The following ARHGEF10 variants were observed in gnomAD, a reference collection of about 807,000 sequenced individuals.
ARHGEF10 encodes the protein Rho guanine nucleotide exchange factor (GEF) 10.
A neutral mutation model predicts 147.4 loss-of-function variants in ARHGEF10; 140 were observed. The observed-to-expected ratio is 0.95, with a 90% confidence interval of 0.83 to 1.09. The LOEUF (loss-of-function observed/expected upper bound fraction) is 1.09, where lower values mean the gene tolerates loss of function less well. Ranked by LOEUF, ARHGEF10 falls within the 50% of genes least tolerant of loss-of-function variation. ARHGEF10 has a pLI of 0.00. For missense variants in ARHGEF10, 2,222 were observed against 1,752.7 expected (o/e 1.27, Z -4.78); for synonymous variants, 902 against 695.8 (o/e 1.30, Z -4.67).
intron 17 of ARHGEF10, among the ~76,000 whole-genome samples, chr8:1,908,217 C>A (rs1811056225): frequency 6.9e-6 from 1 of 143,910 alleles, no homozygotes; most frequent in Admixed American, 7.0e-5. Flanking sequence ...TTATTTCTAC[C>A]CACACTTTGA....
At chr8:1,853,498 A>G (rs149090833) in intron 2 of ARHGEF10, among the ~76,000 whole-genome samples, 15 of 152,344 alleles carry the variant, frequency 9.8e-5, no homozygotes, top group African/African-American at 1.9e-4. Context: ...TGCAAATTGT[A>G]GTTTTTCTCA....
chr8:1,907,902 G>T (rs1184290070), intron 17 of ARHGEF10, among the ~76,000 whole-genome samples: 1 of 152,180 alleles, frequency 6.6e-6, no homozygotes, highest in Admixed American at 6.5e-5. Flanking sequence ...TGAACATTAA[G>T]ATTCTAAACC....
At chr8:1,933,637 G>A (rs1006613864) in intron 25 of ARHGEF10, among the ~76,000 whole-genome samples, 163 bp from the exon 26 acceptor site, 1 of 152,168 alleles carries the variant, frequency 6.6e-6, no homozygotes, top group African/African-American at 2.4e-5. Flanking sequence ...ACTGGGGTGG[G>A]TGTCAGCTTG....
intron 1 of ARHGEF10, among the ~76,000 whole-genome samples, chr8:1,842,385 G>A (rs1231284558): frequency 2.0e-5 from 3 of 152,196 alleles, no homozygotes; most frequent in East Asian, 1.9e-4. Context: ...CGTCCTGGGT[G>A]TGTGTCAGGC....
At chr8:1,845,062 A>T (rs11781055) in intron 2 of ARHGEF10, among the ~76,000 whole-genome samples, 70,228 of 152,060 alleles carry the variant, frequency 0.46, 17,847 homozygotes, top group South Asian at 0.6. Flanking sequence ...TCACTTGAGC[A>T]CGGGAAGTTG....
At chr8:1,877,695 G>C (rs749178762) in intron 8 of ARHGEF10, among the ~76,000 whole-genome samples, 2 of 151,954 alleles carry the variant, frequency 1.3e-5, no homozygotes, top group Non-Finnish European at 2.9e-5. Flanking sequence ...CCCAGGTCTC[G>C]GTGGTGCCAG....
At chr8:1,897,725 A>T (rs769156247) in intron 14 of ARHGEF10, among the ~76,000 whole-genome samples, 3 of 152,108 alleles carry the variant, frequency 2.0e-5, no homozygotes, top group Non-Finnish European at 4.4e-5. Context: ...CTCACTTAAG[A>T]GCTCACTCCC....
Position 1,860,149 on chromosome 8 carries a change from C to T in ARHGEF10, c.446C>T (p.Pro149Leu), listed in dbSNP as rs766944309. The T allele has an allele frequency of 9.3e-6, 15 of 1,613,692 alleles. No homozygotes were observed. The highest frequency in any genetic ancestry group is 1.7e-4 in the Middle Eastern group (1 of 5,974). Residue 149 changes from proline to leucine, a missense_variant, in exon 4 of 29, where the codon CCG (proline) becomes CTG (leucine). Transcript: ENST00000349830. ...LPLLLPAYSS[P>L]VIICATSLDE... ...CTCCTGCTGCCCGCCTACTCCAGCC[C>T]GGTCATCATCTGCGCCACGTCCCTG...
intron 15 of ARHGEF10, among the ~76,000 whole-genome samples, chr8:1,900,449 G>A (rs941584877): frequency 2.6e-5 from 4 of 152,120 alleles, no homozygotes; most frequent in Admixed American, 1.3e-4. Context: ...GACACAGCCC[G>A]ACAGATGTGC....
intron 1 of ARHGEF10, among the ~76,000 whole-genome samples, chr8:1,830,654 G>A (rs1381323530): frequency 6.6e-6 from 1 of 152,254 alleles, no homozygotes; most frequent in African/African-American, 2.4e-5. Context: ...GAACCGCAGA[G>A]ACCATGTGCT....
intron 11 of ARHGEF10, among the ~76,000 whole-genome samples, chr8:1,893,033 A>C (rs1809674259): frequency 7.2e-6 from 1 of 138,182 alleles, no homozygotes; most frequent in Non-Finnish European, 1.5e-5. Flanking sequence ...GACATGAATA[A>C]TTTACTGTCC....
chr8:1,857,917 T>G (rs369568036), intron 2 of ARHGEF10, 43 bp from the exon 3 acceptor site: 1 of 1,440,252 alleles, frequency 6.9e-7, no homozygotes, highest in Non-Finnish European at 9.7e-7. Flanking sequence ...TATCTATCTA[T>G]CTATCTATCT....
At chr8:1,956,642 A>T in intron 28 of ARHGEF10, 107 bp from the exon 29 acceptor site, 1 of 1,199,004 alleles carries the variant, frequency 8.3e-7, no homozygotes, top group South Asian at 1.2e-5. Context: ...AGGCTTTGTT[A>T]TTTGGGCAGG....
At chr8:1,889,529 GAGGAGACAC>G (rs1236290766) in intron 11 of ARHGEF10, among the ~76,000 whole-genome samples, 1 of 89,024 alleles carries the variant, frequency 1.1e-5, no homozygotes, top group Admixed American at 1.1e-4. Flanking sequence ...GAGGGGTATT[GAGGAGACAC>G]TGAGTAGGGT....
At chr8:1,901,194 A>T (rs184425176) in intron 15 of ARHGEF10, among the ~76,000 whole-genome samples, 1 of 152,118 alleles carries the variant, frequency 6.6e-6, no homozygotes, top group African/African-American at 2.4e-5. Context: ...GCAGAGAGTC[A>T]GCAGGTACAA....
rs1029891170 is a variant in ARHGEF10, at chr8:1,950,603, G to T, written c.3398-2102G>T. ...GCTGGAGTGCAGTGGTGCGATCTTG[G>T]CTCACTGCAACCTCCGCCTCCCGGG... is the stretch of plus-strand genomic sequence containing the variant. On this transcript the variant is annotated intron_variant, in intron 27 of 28. Transcript: ENST00000349830. Among the ~76,000 whole-genome samples, 3 of 151,926 alleles carry T rather than the reference G, an allele frequency of 2.0e-5. No homozygotes were observed. The South Asian group carries it at 6.2e-4, about 32-fold the overall frequency.
intron 27 of ARHGEF10, among the ~76,000 whole-genome samples, chr8:1,947,264 C>T (rs975226363): frequency 6.6e-6 from 1 of 152,162 alleles, no homozygotes; most frequent in African/African-American, 2.4e-5. Flanking sequence ...ACTCGACCTC[C>T]CGTGGGCTCC....
chr8:1,843,516 TG>T (rs1485449515), intron 2 of ARHGEF10, 80 bp downstream of exon 2: 17 of 1,098,264 alleles, frequency 1.5e-5, no homozygotes, highest in Non-Finnish European at 1.9e-5. Context: ...CTGGAACCAC[TG>T]AATTGCTGGT....
At chr8:1,883,821 G>T (rs997595920) in intron 10 of ARHGEF10, among the ~76,000 whole-genome samples, 5 of 152,178 alleles carry the variant, frequency 3.3e-5, no homozygotes, top group African/African-American at 4.8e-5. Flanking sequence ...CCAGTGAGGA[G>T]TTGGGATTTG....
Sources: gnomAD v4.1 joint callset for allele counts (sites outside exome capture counted in the v4.1 genomes callset) on GRCh38, gnomAD v4.1.1 for gene constraint, MANE v1.5 for transcripts, NCBI Gene and HGNC (gene_info 2026-07-23, HGNC 2026-07-21) for gene names.